The following NRXN3 variants were observed in gnomAD, a reference collection of about 807,000 sequenced individuals.
NRXN3 encodes the protein neurexin 3.
Under a neutral mutation model 137.6 loss-of-function variants are expected in NRXN3, and 32 were observed. That is an observed-to-expected ratio of 0.23 (90% CI 0.18 to 0.31). NRXN3 has a LOEUF of 0.31. Ranked by LOEUF, NRXN3 falls within the 10% of genes least tolerant of loss-of-function variation. The probability of loss-of-function intolerance (pLI) is 1.00; values close to 1 mark genes in which losing one functional copy is unlikely to be tolerated. For missense variants in NRXN3, 1,574 were observed against 2,062.5 expected, an observed-to-expected ratio of 0.76 and a Z score of 4.59; for synonymous variants, 798 against 784.5, an observed-to-expected ratio of 1.02 and a Z score of -0.29.
chr14:79,728,053 A>T (rs1397246372), intron 19 of NRXN3, among the ~76,000 whole-genome samples: 1 of 152,204 alleles, frequency 6.6e-6, no homozygotes, highest in Non-Finnish European at 1.5e-5. Context: ...CCCTGAAGCC[A>T]GGTGGGAGTG....
intron 15 of NRXN3, among the ~76,000 whole-genome samples, chr14:78,999,240 A>G (rs2099536631): frequency 6.6e-6 from 1 of 152,158 alleles, no homozygotes; most frequent in Non-Finnish European, 1.5e-5. Flanking sequence ...ACCTTGCATT[A>G]TTGGTACCTT....
At chr14:78,996,686 A>T (rs772505282) in intron 15 of NRXN3, among the ~76,000 whole-genome samples, 58 of 152,184 alleles carry the variant, frequency 3.8e-4, no homozygotes, top group Admixed American at 1.3e-4. Context: ...CAGGTTTGGT[A>T]CATCTAAGCA....
chr14:78,464,502 A>G (rs1407385151), intron 4 of NRXN3, among the ~76,000 whole-genome samples: 1 of 152,226 alleles, frequency 6.6e-6, no homozygotes, highest in East Asian at 1.9e-4. Context: ...CATTGAAGGG[A>G]TTAGATTCTC....
chr14:79,389,203 A>G (rs1365659206), intron 15 of NRXN3, among the ~76,000 whole-genome samples: 7 of 152,158 alleles, frequency 4.6e-5, no homozygotes, highest in Non-Finnish European at 7.3e-5. Context: ...AGACTGGGTA[A>G]TTTGTAAAGA....
intron 16 of NRXN3, among the ~76,000 whole-genome samples, chr14:79,523,216 C>G (rs2097085756): frequency 6.6e-6 from 1 of 152,100 alleles, no homozygotes; most frequent in Non-Finnish European, 1.5e-5. Flanking sequence ...TTTCAGGTAG[C>G]CACATGGTTC....
intron 4 of NRXN3, among the ~76,000 whole-genome samples, chr14:78,450,292 C>G (rs1432149383): frequency 6.6e-6 from 1 of 152,122 alleles, no homozygotes; most frequent in Non-Finnish European, 1.5e-5. Flanking sequence ...AGATTTTTAA[C>G]TTTTATAATG....
chr14:79,834,635 T>C (rs900336677), intron 20 of NRXN3, among the ~76,000 whole-genome samples: 6 of 152,130 alleles, frequency 3.9e-5, no homozygotes, highest in African/African-American at 1.4e-4. Context: ...GTGAAATATT[T>C]GCCGAGAGCG....
At chr14:79,403,429 A>C (rs2095250974) in intron 15 of NRXN3, among the ~76,000 whole-genome samples, 1 of 152,178 alleles carries the variant, frequency 6.6e-6, no homozygotes, top group East Asian at 1.9e-4. Flanking sequence ...GAAGAGAGAA[A>C]GAGCAGGACC....
chr14:79,830,610 A>G (rs1163601580), intron 20 of NRXN3, among the ~76,000 whole-genome samples: 1 of 152,244 alleles, frequency 6.6e-6, no homozygotes, highest in Non-Finnish European at 1.5e-5. Flanking sequence ...TAATGCCACC[A>G]GCCAGGATTA....
chr14:79,257,977 T>C (rs1429599775), intron 15 of NRXN3, among the ~76,000 whole-genome samples: 1 of 152,078 alleles, frequency 6.6e-6, no homozygotes, highest in Non-Finnish European at 1.5e-5. Context: ...ACTGTTCTCT[T>C]TTGTTATCTC....
At chr14:78,223,384 G>A (rs554295688) in intron 1 of NRXN3, among the ~76,000 whole-genome samples, 2 of 152,164 alleles carry the variant, frequency 1.3e-5, no homozygotes, top group Non-Finnish European at 2.9e-5. Context: ...GCACATGTTT[G>A]GAAATGTGGG....
chr14:79,661,079 G>T (rs553600982), intron 16 of NRXN3, among the ~76,000 whole-genome samples: 2 of 152,078 alleles, frequency 1.3e-5, no homozygotes, highest in Non-Finnish European at 2.9e-5. Context: ...AATAATATTA[G>T]CTATGGGCAT....
intron 15 of NRXN3, among the ~76,000 whole-genome samples, chr14:79,027,638 T>C (rs2099600791): frequency 6.6e-6 from 1 of 152,128 alleles, no homozygotes; most frequent in African/African-American, 2.4e-5. Flanking sequence ...AATGTCCTTT[T>C]TACTTAAGGG....
intron 2 of NRXN3, among the ~76,000 whole-genome samples, chr14:78,264,739 T>C (rs2071399856): frequency 6.6e-6 from 1 of 152,204 alleles, no homozygotes; most frequent in Admixed American, 6.5e-5. Context: ...ATTAGTGTTG[T>C]CTAATAACGG....
chr14:79,588,078 G>A (rs2097775845), intron 16 of NRXN3, among the ~76,000 whole-genome samples: 1 of 152,138 alleles, frequency 6.6e-6, no homozygotes, highest in African/African-American at 2.4e-5. Context: ...AAAATGTCAT[G>A]TGTCAAGGTG....
chr14:79,192,714 G>T (rs1231124263), intron 15 of NRXN3, among the ~76,000 whole-genome samples: 1 of 150,936 alleles, frequency 6.6e-6, no homozygotes, highest in Admixed American at 6.6e-5. Context: ...GACGAATAAG[G>T]TTGACACTCT....
intron 16 of NRXN3, among the ~76,000 whole-genome samples, chr14:79,489,534 G>A (rs1342135845): frequency 6.6e-6 from 1 of 152,102 alleles, no homozygotes; most frequent in Non-Finnish European, 1.5e-5. Context: ...CACCGGGCTC[G>A]TTTCACTCAA....
chr14:79,739,321 T>G (rs901349369), intron 19 of NRXN3, among the ~76,000 whole-genome samples: 1 of 151,952 alleles, frequency 6.6e-6, no homozygotes, highest in Non-Finnish European at 1.5e-5. Context: ...AGAAAATGAT[T>G]GGAGAAATAC....
chr14:78,329,731 G>A (rs1460555397), intron 4 of NRXN3, among the ~76,000 whole-genome samples: 1 of 152,140 alleles, frequency 6.6e-6, no homozygotes, highest in Non-Finnish European at 1.5e-5. Context: ...TGTCCTTGAG[G>A]TTTTTTGGGG....
Sources: allele counts gnomAD v4.1 joint callset (sites outside exome capture counted in the v4.1 genomes callset), GRCh38; gene constraint gnomAD v4.1.1; transcripts MANE v1.5; gene names NCBI Gene and HGNC (gene_info 2026-07-23, HGNC 2026-07-21).